Variants in PPFIBP1 observed in about 807,000 individuals in gnomAD.
PPFIBP1 encodes PPFIB scaffold protein 1, also known as liprin-beta-1.
PPFIBP1 carries 112 observed loss-of-function variants against 137.8 expected under a neutral mutation model. The ratio of observed to expected loss-of-function variants is 0.81; its 90% CI spans 0.70 to 0.95. PPFIBP1 has a LOEUF of 0.95. PPFIBP1 is among the 40% of genes least tolerant of loss of function. The pLI is 0.00. For synonymous variants in PPFIBP1, 378 were observed against 417.3 expected (o/e 0.91, Z 1.15); for missense variants, 1,083 against 1,196.6 (o/e 0.91, Z 1.40).
At chr12:27,624,442 G>A (rs1213706488) in intron 2 of PPFIBP1, among the ~76,000 whole-genome samples, 2 of 152,194 alleles carry the variant, frequency 1.3e-5, no homozygotes, top group Non-Finnish European at 2.9e-5. Flanking sequence ...AATAGCAGCA[G>A]CATCCTTTAT....
intron 2 of PPFIBP1, among the ~76,000 whole-genome samples, chr12:27,580,322 C>T (rs149290219): frequency 4.6e-5 from 7 of 152,248 alleles, no homozygotes; most frequent in African/African-American, 1.7e-4. Context: ...ATGTATTTTC[C>T]CAAACAAATA....
intron 4 of PPFIBP1, chr12:27,635,482 C>A: frequency 3.2e-6 from 1 of 315,496 alleles, no homozygotes; most frequent in Non-Finnish European, 5.8e-6. Context: ...GATCCAATAG[C>A]AATTCTAAAT....
rs974734437 is a variant in PPFIBP1, at chr12:27,592,322, G to A, written c.-36+14083G>A. ...TATGCTTTCAATGTGAGTCAAGATG[G>A]TGTGCTGGAAGAGGAAGACATGGGT... On this transcript the variant is annotated intron_variant, in intron 2 of 29. Coordinates refer to ENST00000228425, the MANE Select transcript of PPFIBP1 (RefSeq NM_003622.4). 8.9e-6 allele frequency: 5 copies of A among 562,752 alleles called. No individual in the cohort carries two copies. In the Admixed American group the frequency reaches 1.5e-4, roughly 17 times the overall value. The allele number at this position is 562,752 out of a possible 1,614,324, so 34.9% of individuals were successfully genotyped here. A position where few individuals can be genotyped will look rare whatever the true frequency, so the allele number is the denominator to read the frequency against.
chr12:27,677,181 A>G (rs1322826574), intron 19 of PPFIBP1, 85 bp downstream of exon 19: 2 of 1,509,126 alleles, frequency 1.3e-6, no homozygotes, highest in African/African-American at 1.4e-5. Flanking sequence ...TGATCTCTAG[A>G]AAGCGATCTG....
At chr12:27,669,171 A>G (rs1379414672) in intron 13 of PPFIBP1, among the ~76,000 whole-genome samples, 2 of 152,222 alleles carry the variant, frequency 1.3e-5, no homozygotes, top group Non-Finnish European at 2.9e-5. Flanking sequence ...CACAACAAGA[A>G]GATGAAATTT....
At chr12:27,618,320 G>A (rs984314098) in intron 2 of PPFIBP1, among the ~76,000 whole-genome samples, 2 of 152,204 alleles carry the variant, frequency 1.3e-5, no homozygotes, top group Non-Finnish European at 2.9e-5. Context: ...TTTAGGCCGT[G>A]ATGGGAAGGG....
intron 25 of PPFIBP1, among the ~76,000 whole-genome samples, chr12:27,687,803 C>T (rs1279907268): frequency 6.6e-6 from 1 of 152,112 alleles, no homozygotes; most frequent in Admixed American, 6.5e-5. Context: ...CCTTTTCTGG[C>T]CAAGTATAGT....
intron 2 of PPFIBP1, among the ~76,000 whole-genome samples, chr12:27,587,675 A>G (rs1471837852): frequency 1.3e-5 from 2 of 149,532 alleles, no homozygotes; most frequent in Admixed American, 6.7e-5. Context: ...TAACAGATTT[A>G]ATACTTTAAT....
In PPFIBP1 at chr12:27,661,936, G is replaced by A. The variant is rs191006986; in HGVS notation, c.906+991G>A. 1.9e-3 allele frequency among the ~76,000 whole-genome samples: 285 copies of A among 152,086 alleles called. 4 individuals carry two copies. Among genetic ancestry groups the A allele is most frequent in the Non-Finnish European group, 8.4e-4 (57 of 68,006 alleles). On this transcript the variant is annotated intron_variant, in intron 11 of 29. Transcript: ENST00000228425. ...CTATTGAATAAAAAAAAAGTAATTA[G>A]CAAGCTGCCCACTGTAACTTTTATT...
intron 1 of PPFIBP1, among the ~76,000 whole-genome samples, chr12:27,573,533 C>T (rs2050308436): frequency 6.6e-6 from 1 of 152,028 alleles, no homozygotes; most frequent in Non-Finnish European, 1.5e-5. Context: ...AAGAAAAAGC[C>T]GGCCATCCTG....
intron 2 of PPFIBP1, among the ~76,000 whole-genome samples, chr12:27,615,925 A>G (rs1267056681): frequency 1.3e-5 from 2 of 152,156 alleles, no homozygotes; most frequent in Admixed American, 1.3e-4. Context: ...CTGGCGGATA[A>G]AGGCAAAGTT....
In PPFIBP1 at chr12:27,653,361, G is replaced by A. The variant is rs554525322; in HGVS notation, c.604-1361G>A. 3.0e-4 allele frequency among the ~76,000 whole-genome samples: 46 copies of A among 152,092 alleles called. 1 individual carries two copies. Among genetic ancestry groups the A allele is most frequent in the African/African-American group, 1.0e-3 (42 of 41,484 alleles). ...AACACTTAGGGAGTCCGAGGAGGGC[G>A]GGTCACTTGAGGTCAGGAGTTCAAG... On this transcript the variant is annotated intron_variant, in intron 7 of 29. Transcript: ENST00000228425.
chr12:27,645,991 T>C (rs1435238635), intron 4 of PPFIBP1, 71 bp from the exon 5 acceptor site: 1 of 1,171,218 alleles, frequency 8.5e-7, no homozygotes, highest in South Asian at 1.3e-5. Flanking sequence ...AGAACACTTG[T>C]GATTTTCATT....
chr12:27,663,518 C>A (rs974060334), intron 11 of PPFIBP1, among the ~76,000 whole-genome samples: 7 of 151,482 alleles, frequency 4.6e-5, no homozygotes, highest in Admixed American at 6.6e-5. Flanking sequence ...AGAGTGGGGT[C>A]AGTCAAGTGC....
intron 2 of PPFIBP1, among the ~76,000 whole-genome samples, chr12:27,582,710 C>A (rs1489971495): frequency 6.6e-6 from 1 of 152,168 alleles, no homozygotes; most frequent in Non-Finnish European, 1.5e-5. Context: ...CAATTTACAG[C>A]CATTGTAGCA....
chr12:27,544,683 C>T (rs1355913887), intron 1 of PPFIBP1, among the ~76,000 whole-genome samples: 2 of 152,176 alleles, frequency 1.3e-5, no homozygotes, highest in East Asian at 1.9e-4. Flanking sequence ...AAATGAAAAC[C>T]ACAATGAGAT....
chr12:27,661,763 A>G (rs1295455485), intron 11 of PPFIBP1, among the ~76,000 whole-genome samples: 1 of 152,134 alleles, frequency 6.6e-6, no homozygotes, highest in Non-Finnish European at 1.5e-5. Context: ...TCCCATCGTA[A>G]GTTTCTTTCT....
intron 1 of PPFIBP1, among the ~76,000 whole-genome samples, chr12:27,537,424 C>T (rs764098808): frequency 6.6e-6 from 1 of 152,170 alleles, no homozygotes; most frequent in Non-Finnish European, 1.5e-5. Flanking sequence ...AGCCACCGCG[C>T]CCGGCCCCCC....
chr12:27,664,442 A>G lies in PPFIBP1; in HGVS notation c.987A>G (p.Lys329=). The change falls in exon 12 of 30, where the codon AAA becomes AAG. Residue 329 remains lysine (K), a synonymous_variant. Transcript: ENST00000228425. ...MQDTVVLAQG[K]KGKDGEYEEL... Reference sequence around the variant, plus strand: ...ACACGGTGGTACTGGCCCAAGGTAAAAAAGGTAGAGTGTAGCTCTAAAAGT... The same window carrying G: ...ACACGGTGGTACTGGCCCAAGGTAAGAAAGGTAGAGTGTAGCTCTAAAAGT... 6.2e-7 allele frequency: 1 copy of G among 1,608,342 alleles called. No individual in the cohort carries two copies. The highest frequency in any genetic ancestry group is 8.5e-7 in the Non-Finnish European group (1 of 1,176,746).
Sources: gnomAD v4.1 joint callset for allele counts (sites outside exome capture counted in the v4.1 genomes callset) on GRCh38, gnomAD v4.1.1 for gene constraint, MANE v1.5 for transcripts, NCBI Gene and HGNC (gene_info 2026-07-23, HGNC 2026-07-21) for gene names.